The following OPCML variants were observed in gnomAD, a reference collection of about 807,000 sequenced individuals.
The protein encoded by OPCML is opioid-binding protein/cell adhesion molecule.
Under a neutral mutation model 37.8 loss-of-function variants are expected in OPCML, and 13 were observed. That is an observed-to-expected ratio of 0.34 (90% CI 0.22 to 0.55). OPCML has a LOEUF of 0.55. Among genes scored for constraint, OPCML ranks in the 20% least tolerant of loss-of-function variants. OPCML has a pLI of 0.91. For synonymous variants in OPCML, 176 were observed against 168.8 expected (o/e 1.04, Z -0.33); for missense variants, 341 against 435.6 (o/e 0.78, Z 1.93).
intron 1 of OPCML, among the ~76,000 whole-genome samples, chr11:133,049,862 C>T (rs971833584): frequency 2.6e-5 from 4 of 152,188 alleles, no homozygotes; most frequent in Non-Finnish European, 2.9e-5. Flanking sequence ...GCCGGGGAGA[C>T]CCCCTCAGGA....
chr11:132,829,567 G>A (rs1940564348), intron 2 of OPCML, among the ~76,000 whole-genome samples: 1 of 152,156 alleles, frequency 6.6e-6, no homozygotes, highest in African/African-American at 2.4e-5. Flanking sequence ...CTGAGGAAAA[G>A]CAAAATGGTC....
At chr11:132,490,383 C>T (rs958783110) in intron 4 of OPCML, among the ~76,000 whole-genome samples, 5 of 152,056 alleles carry the variant, frequency 3.3e-5, no homozygotes, top group East Asian at 3.9e-4. Flanking sequence ...CTCTCAAAGG[C>T]GCTGCCTTTT....
At chr11:132,823,333 A>G (rs1372699322) in intron 2 of OPCML, among the ~76,000 whole-genome samples, 1 of 152,016 alleles carries the variant, frequency 6.6e-6, no homozygotes, top group African/African-American at 2.4e-5. Flanking sequence ...TCTTCCCACT[A>G]ATGTATTTAG....
chr11:132,551,845 C>T (rs111718362), intron 3 of OPCML, among the ~76,000 whole-genome samples: 4,472 of 152,168 alleles, frequency 0.029, 136 homozygotes, highest in South Asian at 0.076. Context: ...CCTGCACAGC[C>T]GGCTCTGCGT....
chr11:133,467,558 A>C (rs1947004412), intron 1 of OPCML, among the ~76,000 whole-genome samples: 1 of 152,214 alleles, frequency 6.6e-6, no homozygotes, highest in African/African-American at 2.4e-5. Context: ...GAATCTCCCC[A>C]AAATAAAGAA....
At chr11:132,721,222 G>A (rs1319800351) in intron 2 of OPCML, among the ~76,000 whole-genome samples, 1 of 152,192 alleles carries the variant, frequency 6.6e-6, no homozygotes, top group Non-Finnish European at 1.5e-5. Flanking sequence ...TTGCAGGATA[G>A]TTAGTGTGAA....
At chr11:132,639,006 T>G (rs191259979) in intron 3 of OPCML, among the ~76,000 whole-genome samples, 10 of 152,252 alleles carry the variant, frequency 6.6e-5, no homozygotes, top group African/African-American at 1.9e-4. Context: ...ACTGGAGCAG[T>G]TTTCTAGATC....
chr11:133,116,770 ATAAG>A (rs1417896987), intron 1 of OPCML, among the ~76,000 whole-genome samples: 2 of 150,364 alleles, frequency 1.3e-5, no homozygotes, highest in Non-Finnish European at 3.0e-5. Context: ...TTTGTAACTT[ATAAG>A]TAATTTGTGG....
chr11:133,072,150 T>C (rs1264763264), intron 1 of OPCML, among the ~76,000 whole-genome samples: 1 of 151,044 alleles, frequency 6.6e-6, no homozygotes, highest in Non-Finnish European at 1.5e-5. Flanking sequence ...TAATGAGTAC[T>C]GGTTTCTTTA....
intron 1 of OPCML, among the ~76,000 whole-genome samples, chr11:133,160,091 T>C (rs1455612310): frequency 2.0e-5 from 3 of 152,386 alleles, no homozygotes; most frequent in South Asian, 2.1e-4. Flanking sequence ...TATTACCTTT[T>C]TCTTTACTTC....
chr11:132,524,415 T>A (rs1049866748), intron 4 of OPCML, among the ~76,000 whole-genome samples: 6 of 152,140 alleles, frequency 3.9e-5, no homozygotes, highest in African/African-American at 1.4e-4. Flanking sequence ...GATTTCCATA[T>A]GTGTGAAGGC....
intron 2 of OPCML, among the ~76,000 whole-genome samples, chr11:132,685,926 G>A (rs146108036): frequency 1.3e-5 from 2 of 152,224 alleles, no homozygotes; most frequent in Non-Finnish European, 2.9e-5. Context: ...TTAATACAAG[G>A]GATCCCAAAA....
chr11:132,646,632 T>G (rs1039039419), intron 3 of OPCML, among the ~76,000 whole-genome samples: 2 of 152,160 alleles, frequency 1.3e-5, no homozygotes, highest in African/African-American at 4.8e-5. Flanking sequence ...AGAATGACGT[T>G]ATTGGACATG....
At chr11:132,515,749 G>A (rs577935474) in intron 4 of OPCML, among the ~76,000 whole-genome samples, 1 of 152,258 alleles carries the variant, frequency 6.6e-6, no homozygotes, top group South Asian at 2.1e-4. Context: ...TTAAACTGGG[G>A]AGGAATGATC....
At chr11:132,921,113 T>C (rs1356597838) in intron 2 of OPCML, among the ~76,000 whole-genome samples, 1 of 152,228 alleles carries the variant, frequency 6.6e-6, no homozygotes, top group Non-Finnish European at 1.5e-5. Context: ...TTCCTGATAG[T>C]ACTGTGTGAG....
chr11:133,311,581 G>A (rs997897610), intron 1 of OPCML, among the ~76,000 whole-genome samples: 19 of 151,692 alleles, frequency 1.3e-4, no homozygotes, highest in Admixed American at 5.3e-4. Flanking sequence ...AAGACAGGAC[G>A]TAGTGTTCTA....
intron 2 of OPCML, among the ~76,000 whole-genome samples, chr11:132,871,489 T>C (rs1301993646): frequency 6.6e-6 from 1 of 152,232 alleles, no homozygotes; most frequent in Admixed American, 6.5e-5. Context: ...GTATTAGGTA[T>C]TGTAAGTAAT....
intron 2 of OPCML, among the ~76,000 whole-genome samples, chr11:132,873,676 T>A (rs1365362286): frequency 8.2e-6 from 1 of 122,236 alleles, no homozygotes. Context: ...TAAAGAGACA[T>A]CAAAAATTAA....
intron 1 of OPCML, among the ~76,000 whole-genome samples, chr11:133,434,939 C>A (rs1398988418): frequency 6.6e-6 from 1 of 150,830 alleles, no homozygotes; most frequent in Non-Finnish European, 1.5e-5. Context: ...GTAGTGCAGA[C>A]ATGAAAGGTC....
Sources: allele counts gnomAD v4.1 joint callset (sites outside exome capture counted in the v4.1 genomes callset), GRCh38; gene constraint gnomAD v4.1.1; transcripts MANE v1.5; gene names NCBI Gene and HGNC (gene_info 2026-07-23, HGNC 2026-07-21).